WAC: variants seen among roughly 807,000 people sequenced by gnomAD.
WAC encodes the protein WW domain-containing adapter protein with coiled-coil.
WAC carries 11 observed loss-of-function variants against 79.6 expected under a neutral mutation model. The observed-to-expected ratio is 0.14, with a 90% CI of 0.09 to 0.23. The LOEUF (loss-of-function observed/expected upper bound fraction) is 0.23, where lower values mean the gene tolerates loss of function less well. Among genes scored for constraint, WAC ranks in the 10% least tolerant of loss-of-function variants. The pLI is 1.00. For synonymous variants in WAC, 304 were observed against 276.9 expected, an observed-to-expected ratio of 1.10 and a Z score of -0.97; for missense variants, 728 against 773.5, an observed-to-expected ratio of 0.94 and a Z score of 0.70.
intron 3 of WAC, among the ~76,000 whole-genome samples, chr10:28,580,400 AC>A (rs1195173453): frequency 5.3e-5 from 8 of 152,204 alleles, no homozygotes; most frequent in African/African-American, 1.9e-4. Context: ...AGGTCAATAG[AC>A]CTCATTTGTA....
chr10:28,589,063 G>A (rs1411960983), intron 4 of WAC: 2 of 152,054 alleles, frequency 1.3e-5, no homozygotes, highest in East Asian at 1.9e-4. Flanking sequence ...ATTATGTTAC[G>A]TTGTCTATAA....
At chr10:28,549,929 C>A (rs1214029869) in intron 3 of WAC, among the ~76,000 whole-genome samples, 1 of 152,032 alleles carries the variant, frequency 6.6e-6, no homozygotes, top group Non-Finnish European at 1.5e-5. Context: ...GTTTGAGGTC[C>A]CGAGGTGGAT....
At chr10:28,591,111 G>GA (rs964748711) in intron 6 of WAC, 11 of 323,476 alleles carry the variant, frequency 3.4e-5, no homozygotes, top group Non-Finnish European at 6.3e-5. Context: ...GGTTTCCCCT[G>GA]ATCCCCCCAG....
In WAC at chr10:28,535,543, G is replaced by T. The variant is rs773603570; in HGVS notation, c.79-19G>T. On this transcript the variant is annotated intron_variant, in intron 2 of 13. Coordinates refer to ENST00000354911, the MANE Select transcript of WAC (RefSeq NM_016628.5). ...TTTCAATTCTTTCTCTCTTTTTTTG[G>T]GGGGGTGATGTTTTACAGGCACTTA... is the stretch of plus-strand genomic sequence containing the variant. The T allele has an allele frequency of 6.6e-7, 1 of 1,522,524 alleles. No individual in the cohort carries two copies. The highest frequency in any genetic ancestry group is 8.8e-7 in the Non-Finnish European group (1 of 1,130,450). The allele number at this position is 1,522,524 out of a possible 1,614,324, so 94.3% of individuals were successfully genotyped here.
At chr10:28,535,534 C>CT (rs751212931) in intron 2 of WAC, 28 bp from the exon 3 acceptor site, 15 of 1,525,844 alleles carry the variant, frequency 9.8e-6, no homozygotes, top group Middle Eastern at 1.8e-4. Context: ...TTCTTTCTCT[C>CT]TTTTTTTGGG....
At chr10:28,611,943 A>AT in intron 10 of WAC, 21 bp downstream of exon 10, 1 of 1,600,666 alleles carries the variant, frequency 6.2e-7, no homozygotes, top group Non-Finnish European at 8.5e-7. Flanking sequence ...TTTGAGGGAC[A>AT]TTCGGAAAAG....
In WAC at chr10:28,616,227, A is replaced by G; in HGVS notation, c.1611A>G (p.Ala537=). ...ATCATACTTCTAATAGTAGTAATGC[A>G]TCAAATGCAACAGTTGTACCACAGA... ...GPNHTSNSSN[A]SNATVVPQNS... Residue 537 remains alanine (A), a synonymous_variant, in exon 12 of 14, where the codon GCA becomes GCG. Coordinates refer to ENST00000354911, the MANE Select transcript of WAC (RefSeq NM_016628.5). The G allele has an allele frequency of 5.0e-6, 8 of 1,613,804 alleles. No homozygotes were observed. Among genetic ancestry groups the G allele is most frequent in the Non-Finnish European group, 6.8e-6 (8 of 1,179,824 alleles).
Position 28,556,388 on chromosome 10 carries a change from A to ATTTTTTTTTTTTTTT in WAC, c.274+20644_274+20658dup, listed in dbSNP as rs764934182. ...TAGATTCAATTTCGTTGCCCATTAA[A>ATTTTTTTTTTTTTTT]TTTTTTTTTTTTTTTTTTTTTTTTT... is the stretch of plus-strand genomic sequence containing the variant. On this transcript the variant is annotated intron_variant, in intron 3 of 13. Transcript: ENST00000354911. Among the ~76,000 whole-genome samples the ATTTTTTTTTTTTTTT allele has an allele frequency of 6.9e-4, 38 of 55,086 alleles. 6 individuals carry two copies. The highest frequency in any genetic ancestry group is 9.1e-4 in the Non-Finnish European group (27 of 29,684). The allele number at this position is 55,086 out of a possible 152,430, so 36.1% of individuals were successfully genotyped here.
At chr10:28,542,878 T>A (rs892017722) in intron 3 of WAC, among the ~76,000 whole-genome samples, 5 of 152,248 alleles carry the variant, frequency 3.3e-5, no homozygotes, top group South Asian at 4.1e-4. Context: ...CAGAACTGAC[T>A]GTATTTTAGT....
intron 7 of WAC, 26 bp downstream of exon 7, chr10:28,596,067 A>G (rs1374198453): frequency 1.3e-6 from 2 of 1,592,168 alleles, no homozygotes; most frequent in Admixed American, 3.5e-5. Flanking sequence ...TAGATGCTGC[A>G]CGTTGAACTA....
intron 3 of WAC, among the ~76,000 whole-genome samples, chr10:28,577,654 A>G (rs992809231): frequency 3.3e-5 from 5 of 152,196 alleles, no homozygotes; most frequent in African/African-American, 1.2e-4. Context: ...GTAACAGAGG[A>G]AGAAGATCTT....
chr10:28,606,137 G>A (rs1217135814), intron 7 of WAC, among the ~76,000 whole-genome samples: 1 of 151,620 alleles, frequency 6.6e-6, no homozygotes, highest in Non-Finnish European at 1.5e-5. Flanking sequence ...ATGCAGCCAC[G>A]ACTTCGTGGC....
At chr10:28,603,887 T>C (rs1840761575) in intron 7 of WAC, among the ~76,000 whole-genome samples, 1 of 143,190 alleles carries the variant, frequency 7.0e-6, no homozygotes, top group Admixed American at 7.3e-5. Context: ...TTAGCTGAGA[T>C]TGCACCACTG....
At chr10:28,550,300 T>C (rs1200647323) in intron 3 of WAC, among the ~76,000 whole-genome samples, 1 of 152,086 alleles carries the variant, frequency 6.6e-6, no homozygotes. Context: ...TCTTTTTTTT[T>C]TTTATGCTGT....
At chr10:28,556,163 T>C (rs1482133461) in intron 3 of WAC, among the ~76,000 whole-genome samples, 1 of 152,164 alleles carries the variant, frequency 6.6e-6, no homozygotes, top group Non-Finnish European at 1.5e-5. Context: ...TCTATTCTGG[T>C]TTCCATTATT....
intron 3 of WAC, among the ~76,000 whole-genome samples, chr10:28,538,581 CAAAAAAAAAAAA>C (rs34777121): frequency 1.0e-5 from 1 of 98,262 alleles, no homozygotes; most frequent in Non-Finnish European, 2.0e-5. Context: ...GACCCTGTCT[CAAAAAAAAAAAA>C]AAAAAAAAGA....
rs1036076870 is a variant in WAC, at chr10:28,608,454, T to C, written c.1165+23T>C. 5.2e-6 allele frequency: 8 copies of C among 1,546,926 alleles called. No homozygotes were observed. The Admixed American group carries it at 1.4e-4, about 27-fold the overall frequency. On this transcript the variant is annotated intron_variant, in intron 8 of 13. Transcript: ENST00000354911. ...AAGGTAAATCTTCATAACAGTTTTT[T>C]AAAAATTTATTTGCATTGTGCAAAG...
chr10:28,590,934 T>C, intron 6 of WAC, 102 bp downstream of exon 6: 8 of 930,070 alleles, frequency 8.6e-6, no homozygotes, highest in Non-Finnish European at 1.2e-5. Flanking sequence ...TTAAAATAAA[T>C]AGAAACATAC....
intron 11 of WAC, 158 bp from the exon 12 acceptor site, chr10:28,616,015 T>C: frequency 5.2e-6 from 3 of 572,326 alleles, no homozygotes; most frequent in Non-Finnish European, 8.6e-6. Context: ...TCATATACTT[T>C]GGATTATTAA....
Sources: allele counts gnomAD v4.1 joint callset (sites outside exome capture counted in the v4.1 genomes callset), GRCh38; gene constraint gnomAD v4.1.1; transcripts MANE v1.5; gene names NCBI Gene and HGNC (gene_info 2026-07-23, HGNC 2026-07-21).